MAN2B2: variants seen among roughly 807,000 people sequenced by gnomAD.
MAN2B2 encodes mannosidase alpha class 2B member 2.
MAN2B2 carries 106 observed loss-of-function variants against 117.1 expected under a neutral mutation model. That is an observed-to-expected ratio of 0.90 (90% CI 0.77 to 1.06). The LOEUF is 1.06. Among genes scored for constraint, MAN2B2 ranks in the 50% least tolerant of loss-of-function variants. The pLI is 0.00. For missense variants in MAN2B2, 1,326 were observed against 1,381.4 expected (o/e 0.96, Z 0.64); for synonymous variants, 544 against 595.1 (o/e 0.91, Z 1.25).
chr4:6,594,342 G>T (rs937409132), intron 6 of MAN2B2, among the ~76,000 whole-genome samples, 192 bp from the exon 7 acceptor site: 3 of 151,984 alleles, frequency 2.0e-5, no homozygotes, highest in Non-Finnish European at 4.4e-5. Flanking sequence ...TGAGGCAGAA[G>T]AATCACTTGA....
rs1371729415 is a variant in MAN2B2 at position 6,607,970 on chromosome 4, T to C, written c.1815-1137T>C. Among the ~76,000 whole-genome samples the C allele has an allele frequency of 2.0e-5, 3 of 152,362 alleles. No individual in the cohort carries two copies. In the East Asian group the frequency reaches 5.8e-4, roughly 29 times the overall value. ...TCTCATGATGGTTTCGATTTGCATT[T>C]CCCTGCTAACTAATGGTGTTGAGCA... On this transcript the variant is annotated intron_variant, in intron 11 of 18. Coordinates refer to ENST00000285599, the MANE Select transcript of MAN2B2 (RefSeq NM_015274.3).
In MAN2B2 at chr4:6,594,458, G is replaced by C; in HGVS notation, c.859-76G>C. The C allele has an allele frequency of 2.1e-6, 3 of 1,445,912 alleles. No homozygotes were observed. The South Asian group carries it at 3.5e-5, about 17-fold the overall frequency. 89.6% of individuals were successfully genotyped at this position (1,445,912 alleles called of 1,614,324 possible). On this transcript the variant is annotated intron_variant, in intron 6 of 18. Transcript: ENST00000285599. Reference sequence around the variant, plus strand: ...GAGACTGGGAGGGCAGCTGGTGGAGGGCAGCGATCGGCCCACCCCCACTGG... The same window carrying C: ...GAGACTGGGAGGGCAGCTGGTGGAGCGCAGCGATCGGCCCACCCCCACTGG...
chr4:6,603,320 G>A (rs912448407), intron 10 of MAN2B2, among the ~76,000 whole-genome samples: 7 of 151,890 alleles, frequency 4.6e-5, no homozygotes, highest in East Asian at 1.9e-4. Flanking sequence ...CAAAGCTCCC[G>A]AACGCCCATC....
intron 17 of MAN2B2, 77 bp downstream of exon 17, chr4:6,617,569 C>T (rs1441548760): frequency 6.3e-7 from 1 of 1,575,576 alleles, no homozygotes; most frequent in Non-Finnish European, 8.6e-7. Context: ...ACTGCCTTGG[C>T]AAAGAGATCC....
intron 9 of MAN2B2, among the ~76,000 whole-genome samples, chr4:6,599,496 A>T (rs528357714): frequency 1.3e-5 from 2 of 151,956 alleles, no homozygotes; most frequent in South Asian, 2.1e-4. Flanking sequence ...ACCTGTCTCT[A>T]CTAAAAATAC....
intron 2 of MAN2B2, among the ~76,000 whole-genome samples, chr4:6,577,500 G>A (rs905081920): frequency 2.6e-5 from 4 of 152,204 alleles, no homozygotes; most frequent in South Asian, 4.1e-4. Context: ...CCAGAGTCAC[G>A]GGAAGGAGCC....
intron 1 of MAN2B2, among the ~76,000 whole-genome samples, chr4:6,576,065 A>C (rs1372791256): frequency 1.3e-5 from 2 of 152,206 alleles, no homozygotes; most frequent in East Asian, 3.9e-4. Context: ...AACACACTAC[A>C]GCTGTGGTCC....
chr4:6,620,705 G>A (rs1379199370), intron 18 of MAN2B2: 1 of 162,614 alleles, frequency 6.1e-6, no homozygotes, highest in Admixed American at 6.1e-5. Flanking sequence ...GGAAGATGAT[G>A]TTGGTTGGAA....
intron 3 of MAN2B2, among the ~76,000 whole-genome samples, chr4:6,584,727 A>T (rs1363050073): frequency 6.6e-6 from 1 of 152,178 alleles, no homozygotes; most frequent in African/African-American, 2.4e-5. Context: ...GCTCAGCCTG[A>T]TGGCCTCCCA....
chr4:6,609,698 C>T lies in MAN2B2; in HGVS notation c.2007-100C>T, dbSNP rs1577292364. 4 of 1,326,444 alleles carry T rather than the reference C, an allele frequency of 3.0e-6. No individual in the cohort carries two copies. In the African/African-American group the frequency reaches 4.3e-5, roughly 14 times the overall value. The allele number at this position is 1,326,444 out of a possible 1,614,324, so 82.2% of individuals were successfully genotyped here. The stretch of plus-strand genomic sequence containing the variant: ...GAAGGCTCCCTGCCTTTCGGCGTAC[C>T]CTGCCCTGCCCACCCTGCCCACATG... On this transcript the variant is annotated intron_variant, in intron 12 of 18. Transcript: ENST00000285599.
rs768089388 is a variant in MAN2B2 at position 6,611,214 on chromosome 4, C to T, written c.2499C>T (p.Ala833=). ...LLLGSWSLTT[A]LRQRSALALQ... ...TGGGATCCTGGTCCCTCACCACTGC[C>T]CTGCGCCAGAGGAGCGCACTGGCGC... The change falls in exon 15 of 19, where the codon GCC becomes GCT. Residue 833 remains alanine, a synonymous_variant. Transcript: ENST00000285599. 6.2e-6 allele frequency: 10 copies of T among 1,613,712 alleles called. No individual in the cohort carries two copies. Among genetic ancestry groups the T allele is most frequent in the East Asian group, 2.2e-5 (1 of 44,890 alleles).
intron 3 of MAN2B2, among the ~76,000 whole-genome samples, chr4:6,579,807 C>T (rs1455331069): frequency 1.3e-5 from 2 of 152,232 alleles, no homozygotes; most frequent in Non-Finnish European, 2.9e-5. Context: ...CCCACAGTGC[C>T]GTGGGGCACT....
intron 3 of MAN2B2, among the ~76,000 whole-genome samples, chr4:6,584,808 G>A (rs189428755): frequency 3.1e-3 from 465 of 152,302 alleles, no homozygotes; most frequent in Admixed American, 4.8e-3. Context: ...GGGAGTAAGC[G>A]TGCCACATTT....
At chr4:6,615,768 C>T (rs563647353) in intron 16 of MAN2B2, among the ~76,000 whole-genome samples, 20 of 152,120 alleles carry the variant, frequency 1.3e-4, no homozygotes, top group Non-Finnish European at 2.4e-4. Context: ...CTACAGCACT[C>T]CAGCCTGGGC....
Position 6,600,757 on chromosome 4 carries a change from G to A in MAN2B2, c.1539+1G>A, listed in dbSNP as rs760623348. 6.2e-7 allele frequency: 1 copy of A among 1,613,216 alleles called. No homozygotes were observed. The highest frequency in any genetic ancestry group is 8.5e-7 in the Non-Finnish European group (1 of 1,180,016). On this transcript the variant is annotated splice_donor_variant, in intron 10 of 18. Coordinates refer to ENST00000285599, the MANE Select transcript of MAN2B2 (RefSeq NM_015274.3). LOFTEE classifies it high-confidence loss of function. The stretch of plus-strand genomic sequence containing the variant: ...GGCGGGCCACCCAGTGCCCTCGCAG[G>A]TATGGACACAAAATCCTGCTGGAGG...
At chr4:6,615,393 A>G (rs946304994) in intron 16 of MAN2B2, among the ~76,000 whole-genome samples, 3 of 152,094 alleles carry the variant, frequency 2.0e-5, no homozygotes, top group African/African-American at 4.8e-5. Context: ...CCTCACCACC[A>G]CACCAGGAGA....
intron 3 of MAN2B2, among the ~76,000 whole-genome samples, chr4:6,579,106 C>T (rs1354199369): frequency 1.2e-5 from 1 of 83,264 alleles, no homozygotes; most frequent in South Asian, 4.6e-4. Flanking sequence ...CCAGCACCAC[C>T]ACCATCACCA....
chr4:6,604,219 C>A (rs1001377752), intron 10 of MAN2B2, among the ~76,000 whole-genome samples: 3 of 152,152 alleles, frequency 2.0e-5, no homozygotes, highest in Non-Finnish European at 2.9e-5. Flanking sequence ...GAGGCTGGGT[C>A]CCAGAGGAGG....
intron 10 of MAN2B2, among the ~76,000 whole-genome samples, chr4:6,601,519 A>G (rs915280955): frequency 6.6e-6 from 1 of 151,226 alleles, no homozygotes; most frequent in African/African-American, 2.4e-5. Context: ...AAAAAAAAGA[A>G]AGGGTACAAC....
Sources: allele counts gnomAD v4.1 joint callset (sites outside exome capture counted in the v4.1 genomes callset), GRCh38; gene constraint gnomAD v4.1.1; transcripts MANE v1.5; gene names NCBI Gene and HGNC (gene_info 2026-07-23, HGNC 2026-07-21).